SYNE1: variants seen among roughly 807,000 people sequenced by gnomAD.
The protein encoded by SYNE1 is nesprin-1.
A neutral mutation model predicts 1,111.0 loss-of-function variants in SYNE1; 616 were observed. That is an observed-to-expected ratio of 0.55 (90% CI 0.52 to 0.59). SYNE1 has a LOEUF of 0.59. Among genes scored for constraint, SYNE1 ranks in the 20% least tolerant of loss-of-function variants. SYNE1 has a pLI of 0.00. For synonymous variants in SYNE1, 3,855 were observed against 3,825.8 expected, an observed-to-expected ratio of 1.01 and a Z score of -0.28; for missense variants, 10,006 against 10,417.0, an observed-to-expected ratio of 0.96 and a Z score of 1.72.
chr6:152,333,283 T>C (rs9479295), intron 77 of SYNE1, among the ~76,000 whole-genome samples: 5,173 of 152,264 alleles, frequency 0.034, 278 homozygotes, highest in African/African-American at 0.12. Context: ...ACTGAATTTC[T>C]AGACTCTTGT....
chr6:152,324,473 G>C (rs1056421953), intron 81 of SYNE1, among the ~76,000 whole-genome samples: 1 of 151,994 alleles, frequency 6.6e-6, no homozygotes, highest in Non-Finnish European at 1.5e-5. Context: ...TAAAGAAAAA[G>C]TATCTCATTC....
chr6:152,415,358 A>T (rs1300529100), intron 41 of SYNE1, among the ~76,000 whole-genome samples: 2 of 152,194 alleles, frequency 1.3e-5, no homozygotes, highest in Admixed American at 1.3e-4. Flanking sequence ...AGTTAAAAGC[A>T]GTTGTAGAAA....
chr6:152,123,315 C>T (rs1397845556), intron 145 of SYNE1, among the ~76,000 whole-genome samples: 5 of 152,200 alleles, frequency 3.3e-5, no homozygotes, highest in Non-Finnish European at 7.3e-5. Flanking sequence ...AGTCTGTCTA[C>T]AGAACACTGG....
intron 129 of SYNE1, 47 bp downstream of exon 129, chr6:152,180,089 A>T: frequency 6.2e-7 from 1 of 1,607,066 alleles, no homozygotes; most frequent in Non-Finnish European, 8.5e-7. Flanking sequence ...AAAAGTACAC[A>T]TAAGCCTTAT....
rs2098634992 is a variant in SYNE1 at position 152,450,079 on chromosome 6, G to A, written c.3396-438C>T. Reference sequence around the variant, plus strand: ...CATAATCCCCACATGTCATGAGAGGGACCTGGGGGGAGGTAATTGAATCAT... The same window carrying A: ...CATAATCCCCACATGTCATGAGAGGAACCTGGGGGGAGGTAATTGAATCAT... On this transcript the variant is annotated intron_variant, in intron 27 of 145. Transcript: ENST00000367255. 1.3e-5 allele frequency among the ~76,000 whole-genome samples: 2 copies of A among 152,210 alleles called. 1 individual carries two copies. Among genetic ancestry groups the A allele is most frequent in the South Asian group, 4.1e-4 (2 of 4,828 alleles).
intron 32 of SYNE1, among the ~76,000 whole-genome samples, chr6:152,438,120 C>A (rs890264458): frequency 6.6e-6 from 1 of 152,104 alleles, no homozygotes; most frequent in Non-Finnish European, 1.5e-5. Flanking sequence ...ATTTATAGTA[C>A]ACTAAAATAT....
intron 16 of SYNE1, among the ~76,000 whole-genome samples, chr6:152,466,803 A>G (rs2098771934): frequency 6.6e-6 from 1 of 152,134 alleles, no homozygotes; most frequent in Admixed American, 6.6e-5. Context: ...ACTTCTTGAA[A>G]GTAGAAAATT....
At chr6:152,164,443 G>A in intron 130 of SYNE1, 118 bp from the exon 131 acceptor site, 1 of 1,212,620 alleles carries the variant, frequency 8.2e-7, no homozygotes, top group Non-Finnish European at 1.2e-6. Context: ...AGAAACTCAT[G>A]TGGAAGAAGC....
intron 128 of SYNE1, 82 bp downstream of exon 128, chr6:152,189,170 T>C (rs1383886185): frequency 1.4e-6 from 2 of 1,478,878 alleles, no homozygotes; most frequent in Non-Finnish European, 1.9e-6. Flanking sequence ...CGGGTCCACA[T>C]GTGGGTTAAC....
chr6:152,628,135 G>A (rs1246243671), intron 3 of SYNE1, 130 bp downstream of exon 3: 1 of 944,026 alleles, frequency 1.1e-6, no homozygotes, highest in African/African-American at 1.6e-5. Flanking sequence ...TGAAAACACT[G>A]GAATAAAGAC....
At chr6:152,389,264 G>A (rs944392651) in intron 53 of SYNE1, among the ~76,000 whole-genome samples, 2 of 152,130 alleles carry the variant, frequency 1.3e-5, no homozygotes, top group African/African-American at 4.8e-5. Flanking sequence ...GTAAACTCGT[G>A]TCATGGGGGT....
intron 4 of SYNE1, among the ~76,000 whole-genome samples, chr6:152,533,987 C>T (rs1445063380): frequency 4.0e-5 from 6 of 151,830 alleles, no homozygotes; most frequent in African/African-American, 1.2e-4. Flanking sequence ...GGTAAAACCT[C>T]GTCTCTACTT....
intron 101 of SYNE1, among the ~76,000 whole-genome samples, chr6:152,260,144 C>T (rs931920366): frequency 3.3e-5 from 5 of 152,150 alleles, no homozygotes; most frequent in Non-Finnish European, 4.4e-5. Flanking sequence ...GAATAATACG[C>T]AAGCACAGAA....
intron 119 of SYNE1, 46 bp from the exon 120 acceptor site, chr6:152,219,231 C>G: frequency 1.3e-6 from 2 of 1,581,668 alleles, no homozygotes; most frequent in Non-Finnish European, 1.7e-6. Context: ...GTTGATACTC[C>G]TTATCATAAA....
At chr6:152,202,836 G>C (rs1230341766) in intron 126 of SYNE1, among the ~76,000 whole-genome samples, 7 of 152,150 alleles carry the variant, frequency 4.6e-5, no homozygotes, top group Non-Finnish European at 1.5e-5. Context: ...CAAAAGCATG[G>C]CATTTTTGAC....
chr6:152,314,329 C>T (rs956902517), intron 87 of SYNE1, among the ~76,000 whole-genome samples: 2 of 152,196 alleles, frequency 1.3e-5, no homozygotes, highest in African/African-American at 4.8e-5. Context: ...AGAAAACACT[C>T]CTCACATTTA....
Position 152,316,879 on chromosome 6 carries a change from G to A in SYNE1, c.16680C>T (p.Ser5560=). The change falls in exon 87 of 146, where the codon AGC becomes AGT. Residue 5560 remains serine, a synonymous_variant. Transcript: ENST00000367255. ...GCAAAATATATTGTTCCCGAAGCTGGCTTGCAGAATTCCATGCAATAGTTC... is the reference window on the plus strand; with the variant it reads ...GCAAAATATATTGTTCCCGAAGCTGACTTGCAGAATTCCATGCAATAGTTC... The part of the protein sequence containing the change: ...AHGTIAWNSA[S]QLREQYILHQ... The A allele has an allele frequency of 6.2e-7, 1 of 1,614,064 alleles. No homozygotes were observed. The highest frequency in any genetic ancestry group is 1.1e-5 in the South Asian group (1 of 91,082).
chr6:152,211,491 T>C lies in SYNE1; in HGVS notation c.22589+3A>G. The C allele has an allele frequency of 6.2e-6, 10 of 1,611,716 alleles. No homozygotes were observed. Among genetic ancestry groups the C allele is most frequent in the Non-Finnish European group, 8.5e-6 (10 of 1,177,986 alleles). ...CTTTGTAATAATTTATCAAAGATCC[T>C]ACCTGTCATCAACTTGACCTTGTTC... On this transcript the variant is annotated splice_donor_region_variant and intron_variant, in intron 124 of 145. Transcript: ENST00000367255.
chr6:152,472,440 A>G lies in SYNE1; in HGVS notation c.1351-27T>C, dbSNP rs4343926. The G allele has an allele frequency of 0.42, 660,107 of 1,561,490 alleles. 135,062 individuals carry two copies. Among genetic ancestry groups the G allele is most frequent in the African/African-American group, 0.72 (52,926 of 73,118 alleles). On this transcript the variant is annotated intron_variant, in intron 14 of 145. Coordinates refer to ENST00000367255, the MANE Select transcript of SYNE1 (RefSeq NM_182961.4). The stretch of plus-strand genomic sequence containing the variant: ...TAAGATACAGTTTAAAAAAAAATAA[A>G]AAATGAAAAACATGTTTCACAGAGG...
Sources: gnomAD v4.1 joint callset for allele counts (sites outside exome capture counted in the v4.1 genomes callset) on GRCh38, gnomAD v4.1.1 for gene constraint, MANE v1.5 for transcripts, NCBI Gene and HGNC (gene_info 2026-07-23, HGNC 2026-07-21) for gene names.